MATN2: variants seen among roughly 807,000 people sequenced by gnomAD.
The protein encoded by MATN2 is matrilin-2.
Under a neutral mutation model 103.2 loss-of-function variants are expected in MATN2, and 69 were observed. The ratio of observed to expected loss-of-function variants is 0.67; its 90% CI spans 0.55 to 0.82. The LOEUF (loss-of-function observed/expected upper bound fraction) is 0.82, where lower values mean the gene tolerates loss of function less well. Among genes scored for constraint, MATN2 ranks in the 40% least tolerant of loss-of-function variants. MATN2 has a pLI of 0.00. For synonymous variants in MATN2, 429 were observed against 450.2 expected (o/e 0.95, Z 0.60); for missense variants, 1,023 against 1,211.5 (o/e 0.84, Z 2.31).
At chr8:97,880,079 CTTTCT>C (rs1031366475) in intron 1 of MATN2, among the ~76,000 whole-genome samples, 1 of 106,922 alleles carries the variant, frequency 9.4e-6, no homozygotes, top group Non-Finnish European at 1.8e-5. Flanking sequence ...AAAAATCTTT[CTTTCT>C]TTTTTTTTTT....
chr8:98,027,308 CTGGTTCCCCAAAG>C, intron 13 of MATN2, 95 bp from the exon 14 acceptor site: 3 of 924,766 alleles, frequency 3.2e-6, no homozygotes, highest in Non-Finnish European at 4.9e-6. Flanking sequence ...AAGAACAAAA[CTGGTTCCCCAAAG>C]TGGTTATGCC....
chr8:97,980,297 G>A (rs1414822623), intron 6 of MATN2, among the ~76,000 whole-genome samples: 1 of 152,176 alleles, frequency 6.6e-6, no homozygotes, highest in African/African-American at 2.4e-5. Flanking sequence ...TGTGTTTGTG[G>A]TCTCCCTTCC....
chr8:98,025,716 A>G (rs1357776681), intron 13 of MATN2: 3 of 433,854 alleles, frequency 6.9e-6, no homozygotes, highest in South Asian at 4.8e-5. Context: ...ATTGTACTCC[A>G]GCCTGGGCGA....
At chr8:97,952,933 T>TC (rs1294024994) in intron 4 of MATN2, among the ~76,000 whole-genome samples, 15 of 147,282 alleles carry the variant, frequency 1.0e-4, no homozygotes, top group African/African-American at 3.8e-4. Context: ...TTTTTTTTTT[T>TC]TTTTTTTGAG....
In MATN2 at chr8:98,007,290, T is replaced by C; in HGVS notation, c.1450+63T>C. On this transcript the variant is annotated intron_variant, in intron 9 of 18. Coordinates refer to ENST00000254898, the MANE Select transcript of MATN2 (RefSeq NM_002380.5). The surrounding 1 kb of genome is among the most constrained non-coding windows in gnomAD (Gnocchi z 4.2). ...GCACCAGGAGTGAAACCTATGTGAC[T>C]GCAGAGGGCACAGGTTGTACTTGGG... 1.2e-6 allele frequency: 2 copies of C among 1,606,958 alleles called. No individual in the cohort carries two copies. Among genetic ancestry groups the C allele is most frequent in the Non-Finnish European group, 1.7e-6 (2 of 1,175,338 alleles).
At chr8:97,919,866 G>A (rs1809754399) in intron 2 of MATN2, among the ~76,000 whole-genome samples, 1 of 152,254 alleles carries the variant, frequency 6.6e-6, no homozygotes, top group Admixed American at 6.5e-5. Flanking sequence ...AGCAGGGAGT[G>A]TTGGGGCTCA....
intron 12 of MATN2, among the ~76,000 whole-genome samples, chr8:98,020,280 G>A (rs1174448802): frequency 6.6e-6 from 1 of 152,080 alleles, no homozygotes; most frequent in African/African-American, 2.4e-5. Flanking sequence ...TGAGTAGCTG[G>A]GACTACAAGC....
At chr8:98,029,085 T>C (rs560918374) in intron 14 of MATN2, among the ~76,000 whole-genome samples, 49 of 152,324 alleles carry the variant, frequency 3.2e-4, no homozygotes, top group East Asian at 1.7e-3. Context: ...GGCAGTCCCA[T>C]TGGTGAACTC....
intron 2 of MATN2, among the ~76,000 whole-genome samples, chr8:97,903,031 A>C (rs1261571115): frequency 6.6e-6 from 1 of 152,178 alleles, no homozygotes. Context: ...CCATGCTAGC[A>C]GAGGGAAGAC....
intron 1 of MATN2, among the ~76,000 whole-genome samples, chr8:97,882,395 T>G (rs1051135190): frequency 6.6e-6 from 1 of 152,040 alleles, no homozygotes; most frequent in African/African-American, 2.4e-5. Context: ...TTTTCTTTCT[T>G]TTTTTCTTTT....
chr8:97,989,909 C>T (rs988600347), intron 6 of MATN2, among the ~76,000 whole-genome samples: 5 of 152,004 alleles, frequency 3.3e-5, no homozygotes, highest in African/African-American at 9.7e-5. Context: ...AGGCTGGGCA[C>T]GGTGGCTCAT....
At chr8:97,900,703 A>T (rs1025405933) in intron 2 of MATN2, among the ~76,000 whole-genome samples, 5 of 152,158 alleles carry the variant, frequency 3.3e-5, no homozygotes, top group African/African-American at 9.7e-5. Context: ...TGGGAGGCCG[A>T]GGTGGGCGGA....
At chr8:97,927,720 G>A (rs952115638) in intron 2 of MATN2, among the ~76,000 whole-genome samples, 1 of 152,198 alleles carries the variant, frequency 6.6e-6, no homozygotes, top group African/African-American at 2.4e-5. Flanking sequence ...AGGTGTTGTG[G>A]AAACTACCCA....
Position 98,003,655 on chromosome 8 carries a change from C to T in MATN2, c.1205-6C>T, listed in dbSNP as rs1213079764. 6.2e-7 allele frequency: 1 copy of T among 1,613,674 alleles called. No individual in the cohort carries two copies. Among genetic ancestry groups the T allele is most frequent in the East Asian group, 2.2e-5 (1 of 44,852 alleles). ...CTGAAGGAAGGTCTGCCCTTCTTCCCCTCAGGGATCAACTACTGTGCACTG... is the reference window on the plus strand; with the variant it reads ...CTGAAGGAAGGTCTGCCCTTCTTCCTCTCAGGGATCAACTACTGTGCACTG... On this transcript the variant is annotated splice_region_variant and splice_polypyrimidine_tract_variant and intron_variant, in intron 7 of 18. Transcript: ENST00000254898.
intron 1 of MATN2, among the ~76,000 whole-genome samples, chr8:97,875,009 C>T (rs952541499): frequency 1.3e-5 from 2 of 152,180 alleles, no homozygotes; most frequent in Admixed American, 6.5e-5. Context: ...AGCCACCGCC[C>T]CTGGCCCCTC....
At chr8:97,890,783 G>A (rs1245931056) in intron 2 of MATN2, among the ~76,000 whole-genome samples, 1 of 152,142 alleles carries the variant, frequency 6.6e-6, no homozygotes, top group African/African-American at 2.4e-5. Flanking sequence ...GGCATCCACT[G>A]GCATGATGGA....
chr8:97,890,502 A>G (rs7815790), intron 2 of MATN2, among the ~76,000 whole-genome samples: 82,018 of 150,556 alleles, frequency 0.54, 22,738 homozygotes, highest in Non-Finnish European at 0.6. Context: ...AGTGACAATC[A>G]TGAAACCAGA....
At chr8:97,901,967 T>A (rs556373694) in intron 2 of MATN2, among the ~76,000 whole-genome samples, 2 of 152,302 alleles carry the variant, frequency 1.3e-5, no homozygotes, top group East Asian at 3.9e-4. Flanking sequence ...CATTTTCAAA[T>A]CTGTTGTTAT....
At chr8:97,978,602 T>C (rs1269096129) in intron 5 of MATN2, among the ~76,000 whole-genome samples, 1 of 152,240 alleles carries the variant, frequency 6.6e-6, no homozygotes. Flanking sequence ...TAGGTGTAAG[T>C]GCACCTTGTG....
Sources: allele counts gnomAD v4.1 joint callset (sites outside exome capture counted in the v4.1 genomes callset), GRCh38; gene constraint gnomAD v4.1.1; non-coding constraint Gnocchi (gnomAD v3.1); transcripts MANE v1.5; gene names NCBI Gene and HGNC (gene_info 2026-07-23, HGNC 2026-07-21).